CELF4: variants seen among roughly 807,000 people sequenced by gnomAD.
The protein encoded by CELF4 is CUG-BP- and ETR-3-like factor 4.
A neutral mutation model predicts 59.9 loss-of-function variants in CELF4; 18 were observed. The observed-to-expected ratio is 0.30, with a 90% CI of 0.21 to 0.45. CELF4 has a LOEUF of 0.45. CELF4 is among the 20% of genes least tolerant of loss of function. The pLI, the probability that CELF4 is intolerant of heterozygous loss-of-function variation, is 1.00. For synonymous variants in CELF4, 261 were observed against 267.1 expected (o/e 0.98, Z 0.22); for missense variants, 456 against 689.0 (o/e 0.66, Z 3.79).
chr18:37,400,704 A>G (rs903707437), intron 2 of CELF4, among the ~76,000 whole-genome samples: 4 of 152,232 alleles, frequency 2.6e-5, no homozygotes, highest in Admixed American at 2.6e-4. Flanking sequence ...CACAAAGGCA[A>G]GCTGGATTCT....
At chr18:37,545,386 G>C (rs2099980738) in intron 1 of CELF4, among the ~76,000 whole-genome samples, 1 of 152,196 alleles carries the variant, frequency 6.6e-6, no homozygotes, top group South Asian at 2.1e-4. Context: ...GCCAGGCTTG[G>C]GGATGGCCTG....
At chr18:37,521,901 G>A (rs759478036) in intron 1 of CELF4, among the ~76,000 whole-genome samples, 11 of 152,180 alleles carry the variant, frequency 7.2e-5, no homozygotes, top group Non-Finnish European at 1.2e-4. Context: ...TCCAGCTTCC[G>A]TCTTTATTTC....
At position 37,470,874 on chromosome 18, in the gene CELF4, GTGTGTGTGT is replaced by G. The variant is rs1569569545; in HGVS notation, c.369+14642_369+14650del. Among the ~76,000 whole-genome samples, 158 of 105,602 alleles carry G rather than the reference GTGTGTGTGT, an allele frequency of 1.5e-3. 1 individual carries two copies. Among genetic ancestry groups the G allele is most frequent in the Admixed American group, 2.7e-3 (25 of 9,208 alleles). 69.3% of individuals were successfully genotyped at this position (105,602 alleles called of 152,430 possible). A position where few individuals can be genotyped will look rare whatever the true frequency, so the allele number is the denominator to read the frequency against. ...TGTGTGTGTGTGTGTGTGTGTGTGT[GTGTGTGTGT>G]GTGTGACAGAGAGAGAGAGAGAGAG... On this transcript the variant is annotated intron_variant, in intron 2 of 12. Transcript: ENST00000420428.
At chr18:37,261,641 G>A (rs922510450) in intron 10 of CELF4, among the ~76,000 whole-genome samples, 5 of 152,214 alleles carry the variant, frequency 3.3e-5, no homozygotes, top group African/African-American at 1.2e-4. Context: ...AGACCAATGT[G>A]GTCCAGCCCA....
intron 1 of CELF4, among the ~76,000 whole-genome samples, chr18:37,513,254 G>T (rs570703133): frequency 6.6e-6 from 1 of 152,280 alleles, no homozygotes; most frequent in East Asian, 1.9e-4. Flanking sequence ...ATTCTAGAAA[G>T]TGTCTCCCAG....
chr18:37,353,818 G>A (rs1427068983), intron 2 of CELF4, among the ~76,000 whole-genome samples: 147 of 146,112 alleles, frequency 1.0e-3, no homozygotes, highest in South Asian at 4.4e-4. Flanking sequence ...GTGCAGTGGC[G>A]TGATCTCGGC....
rs199540513 is a variant in CELF4, at chr18:37,274,806, G to C, written c.656C>G (p.Pro219Arg). The C allele has an allele frequency of 1.4e-4, 230 of 1,595,560 alleles. No homozygotes were observed. Among genetic ancestry groups the C allele is most frequent in the Non-Finnish European group, 1.4e-4 (165 of 1,172,974 alleles). Residue 219 changes from proline (P) to arginine (R), a missense_variant and splice_region_variant, in exon 5 of 13, where the codon CCG (proline) becomes CGG (arginine). Coordinates refer to ENST00000420428, the MANE Select transcript of CELF4 (RefSeq NM_020180.4). Reference sequence around the variant, plus strand: ...CCGCCCCAAGGGGCCAGCACTCACCGGCATGGTCTGGCTGCCGTGTAGCGC... The same window carrying C: ...CCGCCCCAAGGGGCCAGCACTCACCCGCATGGTCTGGCTGCCGTGTAGCGC... Reference protein sequence around the residue: ...INALHGSQTMPGASSSLVVKF... With the variant: ...INALHGSQTMRGASSSLVVKF...
At chr18:37,337,717 G>A (rs184730069) in intron 2 of CELF4, among the ~76,000 whole-genome samples, 14 of 152,290 alleles carry the variant, frequency 9.2e-5, no homozygotes, top group Admixed American at 7.8e-4. Flanking sequence ...CACATGGTGC[G>A]AGATTTGCCA....
chr18:37,433,549 G>C (rs2099677884), intron 2 of CELF4, among the ~76,000 whole-genome samples: 1 of 152,226 alleles, frequency 6.6e-6, no homozygotes, highest in African/African-American at 2.4e-5. Flanking sequence ...ATTAACATGA[G>C]AACCATTTTC....
chr18:37,565,412 A>T lies in CELF4; in HGVS notation c.230T>A (p.Phe77Tyr), dbSNP rs778385785. ...EKDLKPLFEE[F>Y]GKIYELTVLK... ...AACCGTAAGCTCGTAGATTTTGCCA[A>T]ACTCCTCGAAGAGGGGCTTGAGGTC... Residue 77 changes from phenylalanine (F) to tyrosine (Y), a missense_variant, in exon 1 of 13, where the codon TTT becomes TAT. Coordinates refer to ENST00000420428, the MANE Select transcript of CELF4 (RefSeq NM_020180.4). The T allele has an allele frequency of 1.2e-6, 2 of 1,611,888 alleles. No individual in the cohort carries two copies. Among genetic ancestry groups the T allele is most frequent in the African/African-American group, 2.7e-5 (2 of 74,900 alleles).
At chr18:37,535,424 C>T (rs995101044) in intron 1 of CELF4, among the ~76,000 whole-genome samples, 2 of 152,102 alleles carry the variant, frequency 1.3e-5, no homozygotes, top group East Asian at 1.9e-4. Context: ...CCCAGGGATC[C>T]GAAGTTGCAG....
At chr18:37,529,745 G>C (rs978018531) in intron 1 of CELF4, among the ~76,000 whole-genome samples, 3 of 152,132 alleles carry the variant, frequency 2.0e-5, no homozygotes, top group Non-Finnish European at 2.9e-5. Flanking sequence ...CTATTCCCAG[G>C]GGGTATCAGC....
At chr18:37,559,879 C>T (rs1217998441) in intron 1 of CELF4, among the ~76,000 whole-genome samples, 1 of 152,194 alleles carries the variant, frequency 6.6e-6, no homozygotes, top group Non-Finnish European at 1.5e-5. Context: ...TGCCCTGGGA[C>T]ACGAGCTCCC....
intron 4 of CELF4, 22 bp from the exon 5 acceptor site, chr18:37,274,906 A>G: frequency 1.2e-6 from 2 of 1,602,032 alleles, no homozygotes; most frequent in Non-Finnish European, 1.7e-6. Context: ...CGAGAGGCCG[A>G]GCTGGGACCC....
intron 1 of CELF4, among the ~76,000 whole-genome samples, chr18:37,552,403 C>T (rs2099983502): frequency 6.6e-6 from 1 of 152,340 alleles, no homozygotes; most frequent in Non-Finnish European, 1.5e-5. Flanking sequence ...CCCTGCTCTG[C>T]AGAAACCTGC....
chr18:37,331,257 A>T (rs1232592839), intron 2 of CELF4, among the ~76,000 whole-genome samples: 1 of 152,088 alleles, frequency 6.6e-6, no homozygotes, highest in African/African-American at 2.4e-5. Flanking sequence ...CCATCTCCCC[A>T]TACTGGCTGC....
intron 1 of CELF4, among the ~76,000 whole-genome samples, chr18:37,541,487 C>A (rs1381208743): frequency 2.0e-5 from 3 of 152,138 alleles, no homozygotes; most frequent in Non-Finnish European, 4.4e-5. Context: ...TCTGGCTGCC[C>A]CCCTCCGTGT....
At chr18:37,274,639 G>A in intron 5 of CELF4, 166 bp downstream of exon 5, 4 of 1,497,364 alleles carry the variant, frequency 2.7e-6, no homozygotes, top group Non-Finnish European at 3.5e-6. Flanking sequence ...GTAACCTCAG[G>A]CCAGTTCCTT....
At chr18:37,501,842 G>T (rs1353223936) in intron 1 of CELF4, among the ~76,000 whole-genome samples, 1 of 152,210 alleles carries the variant, frequency 6.6e-6, no homozygotes, top group Non-Finnish European at 1.5e-5. Flanking sequence ...CTCCAACGTT[G>T]ACCAGCACGG....
Sources: allele counts gnomAD v4.1 joint callset (sites outside exome capture counted in the v4.1 genomes callset), GRCh38; gene constraint gnomAD v4.1.1; transcripts MANE v1.5; gene names NCBI Gene and HGNC (gene_info 2026-07-23, HGNC 2026-07-21).